Variants in LNPEP observed in about 807,000 individuals in gnomAD.
LNPEP encodes leucyl and cystinyl aminopeptidase, also known as leucyl-cystinyl aminopeptidase.
LNPEP carries 64 observed loss-of-function variants against 120.6 expected under a neutral mutation model. The observed-to-expected ratio is 0.53, with a 90% CI of 0.43 to 0.65. The LOEUF is 0.65. Among genes scored for constraint, LNPEP ranks in the 30% least tolerant of loss-of-function variants. The pLI is 0.00. For missense variants in LNPEP, 1,057 were observed against 1,200.0 expected, an observed-to-expected ratio of 0.88 and a Z score of 1.76; for synonymous variants, 435 against 425.4, an observed-to-expected ratio of 1.02 and a Z score of -0.28.
In LNPEP at chr5:97,006,148, G is replaced by T; in HGVS notation, c.1861G>T (p.Val621Phe). The T allele has an allele frequency of 6.3e-7, 1 of 1,598,132 alleles. No homozygotes were observed. The highest frequency in any genetic ancestry group is 8.5e-7 in the Non-Finnish European group (1 of 1,169,844). Residue 621 changes from valine to phenylalanine, a missense_variant, in exon 10 of 18, where the codon GTT becomes TTT. Val to Phe is a conservative substitution (Grantham distance 50, BLOSUM62 -1). Coordinates refer to ENST00000231368, the MANE Select transcript of LNPEP (RefSeq NM_005575.3). ...GCAGAAAGGATTTCCTTTAGTGACT[G>T]TTCAAAAGAAAGGAAAGGAACTTTT... is the stretch of plus-strand genomic sequence containing the variant. Reference protein sequence around the residue: ...TLQKGFPLVTVQKKGKELFIQ... With the variant: ...TLQKGFPLVTFQKKGKELFIQ...
Position 97,024,683 on chromosome 5 carries a change from G to A in LNPEP, c.2723+1G>A. 2 of 1,612,044 alleles carry A rather than the reference G, an allele frequency of 1.2e-6. No homozygotes were observed. The highest frequency in any genetic ancestry group is 1.7e-6 in the Non-Finnish European group (2 of 1,179,148). ...CAGAGGATGTGCGGAAGCTTTACTG[G>A]TATGAAATCACCGAGGAATATGATA... On this transcript the variant is annotated splice_donor_variant, in intron 15 of 17. Transcript: ENST00000231368. LOFTEE classifies it high-confidence loss of function.
chr5:97,026,907 A>C, intron 16 of LNPEP, 150 bp downstream of exon 16: 1 of 623,670 alleles, frequency 1.6e-6, no homozygotes, highest in South Asian at 2.1e-5. Flanking sequence ...GGAAATTTTC[A>C]CATTTGTTAA....
At chr5:97,009,416 T>C (rs1790872132) in intron 11 of LNPEP, among the ~76,000 whole-genome samples, 1 of 152,212 alleles carries the variant, frequency 6.6e-6, no homozygotes, top group African/African-American at 2.4e-5. Context: ...TAAATCACTT[T>C]TAGCACTTAG....
chr5:96,959,162 C>G (rs913346742), intron 1 of LNPEP, among the ~76,000 whole-genome samples: 2 of 152,040 alleles, frequency 1.3e-5, no homozygotes, highest in Admixed American at 6.6e-5. Flanking sequence ...GGTCTGTAAC[C>G]GTGTCCCTAG....
chr5:96,989,382 T>A (rs9918183), intron 4 of LNPEP, among the ~76,000 whole-genome samples: 3 of 23,332 alleles, frequency 1.3e-4, no homozygotes, highest in African/African-American at 4.8e-4. Flanking sequence ...ATATTATATA[T>A]TATATACAAT....
At chr5:96,999,041 C>A (rs1270559942) in intron 8 of LNPEP, among the ~76,000 whole-genome samples, 1 of 151,914 alleles carries the variant, frequency 6.6e-6, no homozygotes, top group Non-Finnish European at 1.5e-5. Flanking sequence ...GGAAGCCACA[C>A]GTGAAGAGGG....
Position 96,985,148 on chromosome 5 carries a change from C to G in LNPEP, c.929C>G (p.Ala310Gly). 6.2e-7 allele frequency: 1 copy of G among 1,613,868 alleles called. No individual in the cohort carries two copies. The highest frequency in any genetic ancestry group is 8.5e-7 in the Non-Finnish European group (1 of 1,179,790). Residue 310 changes from alanine to glycine, a missense_variant, in exon 3 of 18, where the codon GCA becomes GGA. Transcript: ENST00000231368. ...RSAFPCFDEP[A>G]FKATFIIKII... ...GCTTTTCCTTGTTTTGATGAACCAG[C>G]ATTTAAAGCCACTTTTATCATCAAG...
chr5:96,946,015 G>A (rs1047606003), intron 1 of LNPEP, among the ~76,000 whole-genome samples: 5 of 152,130 alleles, frequency 3.3e-5, no homozygotes, highest in Non-Finnish European at 7.4e-5. Flanking sequence ...TATAATTGTC[G>A]GAAGGGCCTC....
intron 13 of LNPEP, among the ~76,000 whole-genome samples, chr5:97,017,110 C>T (rs1448491800): frequency 6.6e-6 from 1 of 152,126 alleles, no homozygotes; most frequent in East Asian, 1.9e-4. Context: ...TATGAGAATT[C>T]TAGGTGCTCT....
At chr5:97,009,347 A>G (rs1181560707) in intron 11 of LNPEP, among the ~76,000 whole-genome samples, 1 of 115,660 alleles carries the variant, frequency 8.6e-6, no homozygotes, top group Non-Finnish European at 1.8e-5. Flanking sequence ...ACTCATATCT[A>G]TCCTCATATT....
intron 1 of LNPEP, among the ~76,000 whole-genome samples, chr5:96,961,705 C>T (rs916155118): frequency 6.6e-5 from 10 of 152,236 alleles, no homozygotes; most frequent in African/African-American, 2.4e-4. Flanking sequence ...AACCAGTTTA[C>T]ACGAATCATC....
intron 1 of LNPEP, among the ~76,000 whole-genome samples, chr5:96,937,917 G>A (rs1439898607): frequency 6.6e-6 from 1 of 152,184 alleles, no homozygotes; most frequent in Non-Finnish European, 1.5e-5. Context: ...GTAGGAAATT[G>A]GATTTCTGAT....
intron 4 of LNPEP, among the ~76,000 whole-genome samples, chr5:96,988,340 T>C (rs1273879631): frequency 2.6e-5 from 1 of 37,928 alleles, no homozygotes; most frequent in Non-Finnish European, 6.0e-5. Context: ...TTTTCTTTTC[T>C]TTTTTTTTTT....
intron 7 of LNPEP, among the ~76,000 whole-genome samples, 200 bp downstream of exon 7, chr5:96,996,703 T>C (rs567722493): frequency 5.9e-5 from 9 of 152,276 alleles, no homozygotes; most frequent in Admixed American, 3.3e-4. Flanking sequence ...TGTGTTTCAT[T>C]CAAAACTGAA....
chr5:96,960,337 T>C (rs148437952), intron 1 of LNPEP, among the ~76,000 whole-genome samples: 1 of 152,218 alleles, frequency 6.6e-6, no homozygotes, highest in African/African-American at 2.4e-5. Context: ...ATAATTAAAA[T>C]TGAACTTCAG....
At chr5:97,004,329 A>G (rs934080259) in intron 9 of LNPEP, among the ~76,000 whole-genome samples, 1 of 152,188 alleles carries the variant, frequency 6.6e-6, no homozygotes, top group Non-Finnish European at 1.5e-5. Flanking sequence ...CCTGGCCAAT[A>G]TGGTGAAACC....
intron 7 of LNPEP, 95 bp downstream of exon 7, chr5:96,996,598 A>C: frequency 2.9e-6 from 2 of 696,404 alleles, no homozygotes; most frequent in Non-Finnish European, 5.0e-6. Flanking sequence ...GGAGTAATGA[A>C]AATGTTTCTA....
intron 1 of LNPEP, among the ~76,000 whole-genome samples, chr5:96,968,005 C>G (rs1351507279): frequency 7.2e-5 from 11 of 152,114 alleles, no homozygotes; most frequent in African/African-American, 2.7e-4. Context: ...TCCTCAACTT[C>G]TAATTCTTGA....
intron 1 of LNPEP, among the ~76,000 whole-genome samples, chr5:96,941,038 C>T (rs1409942692): frequency 6.6e-6 from 1 of 152,104 alleles, no homozygotes; most frequent in Non-Finnish European, 1.5e-5. Flanking sequence ...ATACAACTCA[C>T]CATAATGTAG....
Sources: allele counts gnomAD v4.1 joint callset (sites outside exome capture counted in the v4.1 genomes callset), GRCh38; gene constraint gnomAD v4.1.1; transcripts MANE v1.5; gene names NCBI Gene and HGNC (gene_info 2026-07-23, HGNC 2026-07-21).